The following ZDHHC14 variants were observed in gnomAD, a reference collection of about 807,000 sequenced individuals.
ZDHHC14 encodes palmitoyltransferase ZDHHC14.
Under a neutral mutation model 47.7 loss-of-function variants are expected in ZDHHC14, and 16 were observed. That is an observed-to-expected ratio of 0.34 (90% CI 0.23 to 0.51). The LOEUF (loss-of-function observed/expected upper bound fraction) is 0.51, where lower values mean the gene tolerates loss of function less well. Ranked by LOEUF, ZDHHC14 falls within the 20% of genes least tolerant of loss-of-function variation. The pLI is 0.97. For missense variants in ZDHHC14, 515 were observed against 662.5 expected, an observed-to-expected ratio of 0.78 and a Z score of 2.44; for synonymous variants, 293 against 278.9, an observed-to-expected ratio of 1.05 and a Z score of -0.50.
chr6:157,656,803 C>T (rs1457214273), intron 8 of ZDHHC14, among the ~76,000 whole-genome samples: 1 of 151,972 alleles, frequency 6.6e-6, no homozygotes, highest in Non-Finnish European at 1.5e-5. Flanking sequence ...CAGGAAAGAG[C>T]TGCATGCGAC....
chr6:157,506,714 G>A (rs528229349), intron 1 of ZDHHC14, among the ~76,000 whole-genome samples: 110 of 152,234 alleles, frequency 7.2e-4, no homozygotes, highest in African/African-American at 2.4e-3. Flanking sequence ...ATATGCTGAC[G>A]ACAGATATAT....
chr6:157,444,672 C>T lies in ZDHHC14; in HGVS notation c.245+62406C>T, dbSNP rs1337626838. Among the ~76,000 whole-genome samples the T allele has an allele frequency of 4.1e-5, 6 of 146,156 alleles. No individual in the cohort carries two copies. The East Asian group carries it at 5.9e-4, about 14-fold the overall frequency. ...CAGCCTGGGCGACCGAGAGAGACTC[C>T]GTCAAAAAAAAAAAAAAAGGGATAT... On this transcript the variant is annotated intron_variant, in intron 1 of 8. Coordinates refer to ENST00000359775, the MANE Select transcript of ZDHHC14 (RefSeq NM_024630.3).
intron 1 of ZDHHC14, among the ~76,000 whole-genome samples, chr6:157,397,257 A>C (rs1308341935): frequency 1.3e-5 from 2 of 152,156 alleles, no homozygotes; most frequent in Non-Finnish European, 2.9e-5. Flanking sequence ...CCTCAGATTT[A>C]GTTTTCTTTT....
At chr6:157,484,326 T>TAC (rs1554260639) in intron 1 of ZDHHC14, among the ~76,000 whole-genome samples, 1 of 142,826 alleles carries the variant, frequency 7.0e-6, no homozygotes, top group South Asian at 2.1e-4. Context: ...CACATATATA[T>TAC]ACGTATATAT....
At chr6:157,550,672 T>TC in intron 2 of ZDHHC14, among the ~76,000 whole-genome samples, 1 of 152,232 alleles carries the variant, frequency 6.6e-6, no homozygotes, top group Non-Finnish European at 1.5e-5. Context: ...GTGTTTCCCC[T>TC]CCTGAATGTC....
chr6:157,514,012 C>G (rs1174774088), intron 1 of ZDHHC14, among the ~76,000 whole-genome samples: 1 of 152,164 alleles, frequency 6.6e-6, no homozygotes, highest in Non-Finnish European at 1.5e-5. Flanking sequence ...CCATCCACAT[C>G]CTTTCTCTCG....
intron 2 of ZDHHC14, among the ~76,000 whole-genome samples, chr6:157,583,572 G>T (rs1315349446): frequency 1.3e-5 from 2 of 152,026 alleles, no homozygotes; most frequent in African/African-American, 2.4e-5. Context: ...GAAGTTTTGG[G>T]CTTTGATACA....
intron 3 of ZDHHC14, among the ~76,000 whole-genome samples, chr6:157,617,292 C>T (rs1349404225): frequency 6.6e-6 from 1 of 152,148 alleles, no homozygotes; most frequent in Non-Finnish European, 1.5e-5. Flanking sequence ...ATATATATGG[C>T]CTTATATCTT....
At chr6:157,492,516 T>C (rs1779951254) in intron 1 of ZDHHC14, among the ~76,000 whole-genome samples, 1 of 152,166 alleles carries the variant, frequency 6.6e-6, no homozygotes, top group Non-Finnish European at 1.5e-5. Context: ...TGATTCTGCC[T>C]TGGGGGCAGA....
intron 1 of ZDHHC14, among the ~76,000 whole-genome samples, chr6:157,446,636 C>T (rs1311111094): frequency 6.6e-6 from 1 of 151,934 alleles, no homozygotes; most frequent in Admixed American, 6.6e-5. Context: ...CCTCGAACTC[C>T]TGACCTCAGG....
chr6:157,656,365 C>T lies in ZDHHC14; in HGVS notation c.1068+2738C>T, dbSNP rs548100177. Among the ~76,000 whole-genome samples the T allele has an allele frequency of 2.2e-4, 32 of 142,996 alleles. No individual in the cohort carries two copies. In the South Asian group the frequency reaches 5.3e-3, roughly 24 times the overall value. The allele number at this position is 142,996 out of a possible 152,430, so 93.8% of individuals were successfully genotyped here. On this transcript the variant is annotated intron_variant, in intron 8 of 8. Transcript: ENST00000359775. The stretch of plus-strand genomic sequence containing the variant: ...TTTTCTTTTTTTTGAAACAGTGTCT[C>T]GCTCTGCCACCCAGGCTGGAATGCA...
chr6:157,647,507 G>A (rs1488985271), intron 7 of ZDHHC14, 139 bp downstream of exon 7: 25 of 563,202 alleles, frequency 4.4e-5, no homozygotes, highest in Non-Finnish European at 6.3e-5. Context: ...TGTGGCCTTC[G>A]TGAAATCGAG....
intron 1 of ZDHHC14, among the ~76,000 whole-genome samples, chr6:157,505,186 CTA>C (rs1780296246): frequency 6.6e-6 from 1 of 152,170 alleles, no homozygotes; most frequent in Non-Finnish European, 1.5e-5. Context: ...CATGGTAAAA[CTA>C]TGTTTAAAAG....
At chr6:157,650,634 CTT>C (rs1666203778) in intron 7 of ZDHHC14, among the ~76,000 whole-genome samples, 1 of 148,088 alleles carries the variant, frequency 6.8e-6, no homozygotes, top group African/African-American at 2.5e-5. Context: ...CTTAATTTCT[CTT>C]GTCATTAAAA....
chr6:157,611,425 A>G (rs761955103), intron 3 of ZDHHC14, among the ~76,000 whole-genome samples: 3 of 152,216 alleles, frequency 2.0e-5, no homozygotes, highest in Non-Finnish European at 2.9e-5. Flanking sequence ...TGTTTATGAC[A>G]AAAGAGTGAG....
chr6:157,622,384 C>T (rs1169752222), intron 3 of ZDHHC14, among the ~76,000 whole-genome samples: 1 of 152,106 alleles, frequency 6.6e-6, no homozygotes, highest in East Asian at 1.9e-4. Context: ...GAGCAAGGCT[C>T]CATTTCAAAA....
chr6:157,533,539 A>G (rs759557377), intron 1 of ZDHHC14, among the ~76,000 whole-genome samples: 3 of 152,236 alleles, frequency 2.0e-5, no homozygotes, highest in Non-Finnish European at 4.4e-5. Flanking sequence ...GCAAAAGCCC[A>G]GAGGAGAGGC....
At chr6:157,433,451 G>A in intron 1 of ZDHHC14, among the ~76,000 whole-genome samples, 1 of 152,206 alleles carries the variant, frequency 6.6e-6, no homozygotes, top group East Asian at 1.9e-4. Context: ...TACAAAAGTA[G>A]TGACCAAGAT....
At position 157,560,223 on chromosome 6, in the gene ZDHHC14, G is replaced by A. The variant is rs1045370035; in HGVS notation, c.406+17478G>A. 5.3e-5 allele frequency among the ~76,000 whole-genome samples: 8 copies of A among 152,330 alleles called. No homozygotes were observed. In the East Asian group the frequency reaches 5.8e-4, roughly 11 times the overall value. On this transcript the variant is annotated intron_variant, in intron 2 of 8. Transcript: ENST00000359775. ...GAGCAAAGCTGTCCTGGAGAAGAGCGTGTCAGCCAGGAAGCGGGGCCGACT... is the reference window on the plus strand; with the variant it reads ...GAGCAAAGCTGTCCTGGAGAAGAGCATGTCAGCCAGGAAGCGGGGCCGACT...
Sources: gnomAD v4.1 joint callset for allele counts (sites outside exome capture counted in the v4.1 genomes callset) on GRCh38, gnomAD v4.1.1 for gene constraint, MANE v1.5 for transcripts, NCBI Gene and HGNC (gene_info 2026-07-23, HGNC 2026-07-21) for gene names.